Variants in SLC38A9 observed in about 807,000 individuals in gnomAD.
The protein encoded by SLC38A9 is neutral amino acid transporter 9.
Under a neutral mutation model 62.3 loss-of-function variants are expected in SLC38A9, and 48 were observed. The ratio of observed to expected loss-of-function variants is 0.77; its 90% CI spans 0.61 to 0.98. The LOEUF (loss-of-function observed/expected upper bound fraction) is 0.98. Among genes scored for constraint, SLC38A9 ranks in the 50% least tolerant of loss-of-function variants. The pLI is 0.00. For synonymous variants in SLC38A9, 204 were observed against 227.7 expected, an observed-to-expected ratio of 0.90 and a Z score of 0.94; for missense variants, 541 against 679.8, an observed-to-expected ratio of 0.80 and a Z score of 2.27.
At chr5:55,694,386 C>G (rs1226217670) in intron 3 of SLC38A9, among the ~76,000 whole-genome samples, 1 of 151,974 alleles carries the variant, frequency 6.6e-6, no homozygotes, top group South Asian at 2.1e-4. Context: ...CTGGTAAGAT[C>G]AGGAAAGTGC....
At chr5:55,637,991 AAG>A (rs1744733156) in intron 12 of SLC38A9, among the ~76,000 whole-genome samples, 1 of 152,060 alleles carries the variant, frequency 6.6e-6, no homozygotes, top group Non-Finnish European at 1.5e-5. Context: ...AATAAAAAAA[AAG>A]AGAGGTAACA....
At chr5:55,654,646 T>C (rs1748087099) in intron 9 of SLC38A9, among the ~76,000 whole-genome samples, 1 of 151,568 alleles carries the variant, frequency 6.6e-6, no homozygotes, top group South Asian at 2.1e-4. Flanking sequence ...TGGATGGAAG[T>C]TAATTGACTG....
chr5:55,701,315 C>T (rs115502588), intron 2 of SLC38A9, among the ~76,000 whole-genome samples: 1,820 of 152,290 alleles, frequency 0.012, 28 homozygotes, highest in African/African-American at 0.04. Context: ...TCAAACCTAA[C>T]ATGTCCAAAA....
intron 3 of SLC38A9, among the ~76,000 whole-genome samples, chr5:55,695,095 T>G (rs535757654): frequency 9.2e-5 from 14 of 152,256 alleles, no homozygotes; most frequent in Middle Eastern, 3.4e-3. Flanking sequence ...CTCTAAGTCC[T>G]AAGAGGTTAT....
At chr5:55,650,040 T>A (rs1308899826) in intron 10 of SLC38A9, among the ~76,000 whole-genome samples, 1 of 152,108 alleles carries the variant, frequency 6.6e-6, no homozygotes, top group Non-Finnish European at 1.5e-5. Context: ...TCTGTCACAG[T>A]ATTTAATGTG....
chr5:55,686,122 A>C (rs1459778182), intron 3 of SLC38A9, among the ~76,000 whole-genome samples: 1 of 152,150 alleles, frequency 6.6e-6, no homozygotes. Context: ...AACTATTTAT[A>C]TTCCTTTGGG....
intron 15 of SLC38A9, 122 bp downstream of exon 15, chr5:55,627,769 T>C (rs1038861775): frequency 3.4e-6 from 2 of 588,700 alleles, no homozygotes; most frequent in Non-Finnish European, 6.1e-6. Context: ...CATTTGAATA[T>C]TACTAGTTTT....
chr5:55,669,406 G>C, intron 6 of SLC38A9, 85 bp from the exon 7 acceptor site: 1 of 1,354,770 alleles, frequency 7.4e-7, no homozygotes. Context: ...AAACAATCAT[G>C]ATAAAAACTT....
intron 3 of SLC38A9, among the ~76,000 whole-genome samples, chr5:55,684,810 T>C (rs1438708301): frequency 6.6e-6 from 1 of 152,068 alleles, no homozygotes; most frequent in African/African-American, 2.4e-5. Flanking sequence ...CCTGCCACCA[T>C]GCCCAACTAA....
In SLC38A9 at chr5:55,664,883, G is replaced by T; in HGVS notation, c.527-20C>A. On this transcript the variant is annotated intron_variant, in intron 7 of 15. Coordinates refer to ENST00000396865, the MANE Select transcript of SLC38A9 (RefSeq NM_173514.4). ...ACGAAACTAGATAAAATAAGAGAAAGAATAAAACTAAATGTTGAACATATA... is the reference window on the plus strand; with the variant it reads ...ACGAAACTAGATAAAATAAGAGAAATAATAAAACTAAATGTTGAACATATA... The T allele has an allele frequency of 1.4e-6, 2 of 1,461,298 alleles. No homozygotes were observed. Among genetic ancestry groups the T allele is most frequent in the South Asian group, 2.8e-5 (2 of 72,526 alleles). 90.5% of individuals were successfully genotyped at this position (1,461,298 alleles called of 1,614,324 possible). A position where few individuals can be genotyped will look rare whatever the true frequency, so the allele number is the denominator to read the frequency against.
At chr5:55,630,867 C>T (rs1205498957) in intron 14 of SLC38A9, among the ~76,000 whole-genome samples, 1 of 152,098 alleles carries the variant, frequency 6.6e-6, no homozygotes, top group Non-Finnish European at 1.5e-5. Context: ...CACGGTGGCT[C>T]ATGCCTGTAA....
intron 12 of SLC38A9, among the ~76,000 whole-genome samples, chr5:55,637,258 CA>C (rs1309219316): frequency 6.6e-6 from 1 of 152,164 alleles, no homozygotes; most frequent in African/African-American, 2.4e-5. Context: ...TGACATCTTG[CA>C]AAGAAGTGTA....
intron 2 of SLC38A9, among the ~76,000 whole-genome samples, chr5:55,699,037 T>C (rs1008439085): frequency 6.6e-6 from 1 of 152,046 alleles, no homozygotes; most frequent in Non-Finnish European, 1.5e-5. Context: ...GTGGATCACT[T>C]GAGGTCAGGA....
chr5:55,691,685 G>A (rs1232292926), intron 3 of SLC38A9, among the ~76,000 whole-genome samples: 6 of 152,164 alleles, frequency 3.9e-5, no homozygotes, highest in Admixed American at 3.9e-4. Flanking sequence ...TCTTAGACTG[G>A]TACTTGCTAA....
At chr5:55,707,232 C>G (rs1757407733) in intron 2 of SLC38A9, among the ~76,000 whole-genome samples, 1 of 152,078 alleles carries the variant, frequency 6.6e-6, no homozygotes, top group African/African-American at 2.4e-5. Flanking sequence ...TATAAAATAT[C>G]CCGAAGTTTG....
chr5:55,698,506 A>T (rs983104349), intron 2 of SLC38A9, among the ~76,000 whole-genome samples: 1 of 152,324 alleles, frequency 6.6e-6, no homozygotes, highest in East Asian at 1.9e-4. Flanking sequence ...GAATTATTAT[A>T]ATAATAAATC....
chr5:55,652,652 C>T lies in SLC38A9; in HGVS notation c.829G>A (p.Gly277Arg). 6.2e-7 allele frequency: 1 copy of T among 1,613,646 alleles called. No homozygotes were observed. Among genetic ancestry groups the T allele is most frequent in the Non-Finnish European group, 8.5e-7 (1 of 1,179,746 alleles). The change falls in exon 10 of 16, where the codon GGA (glycine) becomes AGA (arginine). Residue 277 changes from glycine (G) to arginine (R), a missense_variant. Transcript: ENST00000396865. ...CACCACTTTTCAAACTGTTGGGCTC[C>T]TGTGTCATTGGCATAGAAAATCATA... ...SSMIFYANDT[G>R]AQQFEKWWDK...
At chr5:55,662,725 C>T (rs1749811383) in intron 8 of SLC38A9, among the ~76,000 whole-genome samples, 1 of 149,604 alleles carries the variant, frequency 6.7e-6, no homozygotes, top group Non-Finnish European at 1.5e-5. Flanking sequence ...GTATGTTGCT[C>T]ATATATTCAT....
chr5:55,679,246 T>A (rs1369477671), intron 3 of SLC38A9, among the ~76,000 whole-genome samples: 1 of 152,154 alleles, frequency 6.6e-6, no homozygotes, highest in Non-Finnish European at 1.5e-5. Flanking sequence ...ATTTTTTTTT[T>A]AACTAAGTGG....
Sources: gnomAD v4.1 joint callset for allele counts (sites outside exome capture counted in the v4.1 genomes callset) on GRCh38, gnomAD v4.1.1 for gene constraint, MANE v1.5 for transcripts, NCBI Gene and HGNC (gene_info 2026-07-23, HGNC 2026-07-21) for gene names.